Variants in UGT1A5 observed in about 807,000 individuals in gnomAD.
UGT1A5 encodes the protein UDP glucuronosyltransferase family 1 member A5.
In UGT1A5, 29 loss-of-function variants were observed where a neutral mutation model predicts 40.3. That is an observed-to-expected ratio of 0.72 (90% CI 0.54 to 0.98). The LOEUF is 0.98. Among genes scored for constraint, UGT1A5 ranks in the 50% least tolerant of loss-of-function variants. UGT1A5 has a pLI of 0.00. For missense variants in UGT1A5, 678 were observed against 677.9 expected (o/e 1.00, Z 0.00); for synonymous variants, 257 against 262.5 (o/e 0.98, Z 0.20).
chr2:233,752,963 T>C (rs372881238), intron 1 of UGT1A5, among the ~76,000 whole-genome samples: 4 of 152,322 alleles, frequency 2.6e-5, no homozygotes, highest in African/African-American at 4.8e-5. Context: ...GGGATTTATG[T>C]AACCAATTGT....
chr2:233,735,646 T>C (rs1050886537), intron 1 of UGT1A5, among the ~76,000 whole-genome samples: 1 of 152,236 alleles, frequency 6.6e-6, no homozygotes, highest in South Asian at 2.1e-4. Flanking sequence ...CAGTGGCTGG[T>C]ACTGGTGTTT....
At chr2:233,725,342 A>G (rs1368487533) in intron 1 of UGT1A5, among the ~76,000 whole-genome samples, 1 of 138,706 alleles carries the variant, frequency 7.2e-6, no homozygotes, top group Non-Finnish European at 1.6e-5. Flanking sequence ...CTTAAGTCCA[A>G]TAAGAATGTT....
At chr2:233,739,084 G>A (rs1483024078) in intron 1 of UGT1A5, 1 of 152,248 alleles carries the variant, frequency 6.6e-6, no homozygotes, top group Non-Finnish European at 1.5e-5. Flanking sequence ...TCAAGCCTTG[G>A]CAGCATCGAT....
chr2:233,755,241 A>G (rs535521102), intron 1 of UGT1A5: 33 of 865,204 alleles, frequency 3.8e-5, no homozygotes, highest in Non-Finnish European at 5.6e-5. Context: ...CTACCGGGGT[A>G]CTCCCAGCAC....
intron 1 of UGT1A5, chr2:233,754,294 G>C (rs556479810): frequency 4.3e-4 from 102 of 236,002 alleles, no homozygotes; most frequent in African/African-American, 2.0e-3. Flanking sequence ...TTCTGTCCTA[G>C]CACTAGGAAA....
chr2:233,733,096 G>A (rs2078355938), intron 1 of UGT1A5, among the ~76,000 whole-genome samples: 1 of 152,018 alleles, frequency 6.6e-6, no homozygotes, highest in Non-Finnish European at 1.5e-5. Flanking sequence ...TTCACTCATG[G>A]TTTGGCTCTG....
Position 233,767,956 on chromosome 2 carries a change from T to A in UGT1A5, c.1087+20T>A. 6.2e-7 allele frequency: 1 copy of A among 1,614,192 alleles called. No individual in the cohort carries two copies. Among genetic ancestry groups the A allele is most frequent in the Non-Finnish European group, 8.5e-7 (1 of 1,180,026 alleles). ...TGCTTGGTATGTTGGGCGGATTGGATGTATAGGTCAAACCAGGGTCAAATT... is the reference window on the plus strand; with the variant it reads ...TGCTTGGTATGTTGGGCGGATTGGAAGTATAGGTCAAACCAGGGTCAAATT... On this transcript the variant is annotated intron_variant, in intron 3 of 4. Transcript: ENST00000373414.
At chr2:233,756,397 G>GT (rs1005447677) in intron 1 of UGT1A5, 19 of 151,974 alleles carry the variant, frequency 1.3e-4, no homozygotes, top group Admixed American at 5.2e-4. Flanking sequence ...TACAGTATTG[G>GT]TTTTTTATTT....
chr2:233,729,473 T>G, intron 1 of UGT1A5: 1 of 1,614,206 alleles, frequency 6.2e-7, no homozygotes, highest in Non-Finnish European at 8.5e-7. Flanking sequence ...AGTATGGCAA[T>G]GTTGAACAAT....
intron 1 of UGT1A5, among the ~76,000 whole-genome samples, chr2:233,761,544 A>G (rs745620081): frequency 8.5e-5 from 13 of 152,226 alleles, no homozygotes; most frequent in Non-Finnish European, 1.6e-4. Context: ...TCATTCTTTG[A>G]TGATGATAGA....
At position 233,718,952 on chromosome 2, in the gene UGT1A5, G is replaced by A. The variant is rs773069421; in HGVS notation, c.867+5094G>A. The stretch of plus-strand genomic sequence containing the variant: ...CTGATGGCAGCCCCTGGCTCAGCAT[G>A]CGGGAGGCCTTGCGGGAGCTCCATG... On this transcript the variant is annotated intron_variant, in intron 1 of 4. Transcript: ENST00000373414. 25 of 1,614,082 alleles carry A rather than the reference G, an allele frequency of 1.5e-5. No homozygotes were observed. In the Admixed American group the frequency reaches 2.2e-4, roughly 14 times the overall value.
At chr2:233,760,874 C>T in intron 1 of UGT1A5, 1 of 1,614,100 alleles carries the variant, frequency 6.2e-7, no homozygotes, top group Non-Finnish European at 8.5e-7. Flanking sequence ...GTGCCCAGGC[C>T]TCTCTCCTCT....
At chr2:233,771,313 C>G (rs1428095504) in intron 4 of UGT1A5, 1 of 152,138 alleles carries the variant, frequency 6.6e-6, no homozygotes, top group Non-Finnish European at 1.5e-5. Context: ...CCTTTTCCCT[C>G]TCCTCTTCAA....
chr2:233,738,357 G>C (rs1375014777), intron 1 of UGT1A5, among the ~76,000 whole-genome samples: 1 of 152,206 alleles, frequency 6.6e-6, no homozygotes, highest in Non-Finnish European at 1.5e-5. Flanking sequence ...GGAGAGTGGG[G>C]TACTGCTATA....
chr2:233,738,020 A>T (rs1165451282), intron 1 of UGT1A5, among the ~76,000 whole-genome samples: 1 of 152,034 alleles, frequency 6.6e-6, no homozygotes, highest in East Asian at 1.9e-4. Context: ...TTGAATTGTA[A>T]TCCCCATAAT....
rs886044683 is a variant in UGT1A5 at position 233,760,424 on chromosome 2, C to T, written c.868-6610C>T. The T allele has an allele frequency of 3.3e-5, 53 of 1,614,062 alleles. No individual in the cohort carries two copies. Among genetic ancestry groups the T allele is most frequent in the Non-Finnish European group, 4.4e-5 (52 of 1,180,038 alleles). On this transcript the variant is annotated intron_variant, in intron 1 of 4. Coordinates refer to ENST00000373414, the MANE Select transcript of UGT1A5 (RefSeq NM_019078.2). ...AGCCACTGGCTGAGCATGCTTGGGG[C>T]CATCCAGCAGCTGCAGCAGAGGGGA...
intron 1 of UGT1A5, among the ~76,000 whole-genome samples, chr2:233,758,476 T>C (rs926458629): frequency 1.3e-5 from 2 of 152,218 alleles, no homozygotes; most frequent in Non-Finnish European, 2.9e-5. Context: ...AGGTTTAAAT[T>C]AAACTGTGAA....
Position 233,768,563 on chromosome 2 carries a change from A to T in UGT1A5, c.1307+124A>T, listed in dbSNP as rs1381263592. On this transcript the variant is annotated intron_variant, in intron 4 of 4. Transcript: ENST00000373414. Reference sequence around the variant, plus strand: ...CAAATATAAAAACAAATACATAAAAATCTGGATTTTTATTTCTTCTTTTTT... The same window carrying T: ...CAAATATAAAAACAAATACATAAAATTCTGGATTTTTATTTCTTCTTTTTT... The T allele has an allele frequency of 4.1e-6, 6 of 1,456,444 alleles. No individual in the cohort carries two copies. The East Asian group carries it at 1.5e-4, about 37-fold the overall frequency. The allele number at this position is 1,456,444 out of a possible 1,614,324, so 90.2% of individuals were successfully genotyped here.
chr2:233,720,538 C>T (rs377667530), intron 1 of UGT1A5, among the ~76,000 whole-genome samples: 1 of 152,064 alleles, frequency 6.6e-6, no homozygotes, highest in South Asian at 2.1e-4. Flanking sequence ...CTCACCCTAT[C>T]CCACTCCAAG....
Sources: allele counts gnomAD v4.1 joint callset (sites outside exome capture counted in the v4.1 genomes callset), GRCh38; gene constraint gnomAD v4.1.1; transcripts MANE v1.5; gene names NCBI Gene and HGNC (gene_info 2026-07-23, HGNC 2026-07-21).